COL8A1: variants seen among roughly 807,000 people sequenced by gnomAD.
The protein encoded by COL8A1 is collagen alpha-1(VIII) chain.
A neutral mutation model predicts 42.7 loss-of-function variants in COL8A1; 21 were observed. That is an observed-to-expected ratio of 0.49 (90% CI 0.35 to 0.71). The LOEUF is 0.71. Among genes scored for constraint, COL8A1 ranks in the 30% least tolerant of loss-of-function variants. The probability of loss-of-function intolerance (pLI) is 0.01; values close to 1 mark genes in which losing one functional copy is unlikely to be tolerated. For missense variants in COL8A1, 788 were observed against 962.4 expected (o/e 0.82, Z 2.40); for synonymous variants, 367 against 369.1 (o/e 0.99, Z 0.06).
chr3:99,724,793 A>G (rs747121924), intron 1 of COL8A1, among the ~76,000 whole-genome samples: 4 of 152,110 alleles, frequency 2.6e-5, no homozygotes, highest in Non-Finnish European at 5.9e-5. Context: ...AAGCACAGGA[A>G]ATGACATTTC....
chr3:99,680,682 G>T (rs1938847177), intron 1 of COL8A1, among the ~76,000 whole-genome samples: 1 of 152,084 alleles, frequency 6.6e-6, no homozygotes, highest in South Asian at 2.1e-4. Flanking sequence ...TTTAATGATT[G>T]CCATTCTAAC....
At chr3:99,683,836 C>T (rs1938964502) in intron 1 of COL8A1, among the ~76,000 whole-genome samples, 1 of 152,070 alleles carries the variant, frequency 6.6e-6, no homozygotes, top group Non-Finnish European at 1.5e-5. Flanking sequence ...TCTGTTTTTA[C>T]CTAAGTGCAT....
At chr3:99,698,006 C>A (rs1939430142) in intron 1 of COL8A1, among the ~76,000 whole-genome samples, 1 of 152,124 alleles carries the variant, frequency 6.6e-6, no homozygotes. Flanking sequence ...GTGATGTTCC[C>A]TGCCCTGTGT....
intron 1 of COL8A1, among the ~76,000 whole-genome samples, chr3:99,641,218 C>G (rs1181320571): frequency 6.6e-6 from 1 of 152,122 alleles, no homozygotes; most frequent in South Asian, 2.1e-4. Context: ...AGGAGAAAAG[C>G]AAGATTAGGA....
At chr3:99,717,030 G>A (rs566258098) in intron 1 of COL8A1, among the ~76,000 whole-genome samples, 2 of 152,086 alleles carry the variant, frequency 1.3e-5, no homozygotes, top group African/African-American at 4.8e-5. Flanking sequence ...ATTCTTCACT[G>A]AGCATGGAGA....
At chr3:99,665,491 C>T (rs1011279167) in intron 1 of COL8A1, among the ~76,000 whole-genome samples, 2 of 152,086 alleles carry the variant, frequency 1.3e-5, no homozygotes, top group African/African-American at 2.4e-5. Context: ...GACTTGATCA[C>T]CTTTCTGTTT....
At chr3:99,688,208 C>A in intron 1 of COL8A1, among the ~76,000 whole-genome samples, 1 of 152,190 alleles carries the variant, frequency 6.6e-6, no homozygotes, top group South Asian at 2.1e-4. Context: ...AACAAACCAC[C>A]ACAAATTTAG....
intron 1 of COL8A1, among the ~76,000 whole-genome samples, chr3:99,736,431 T>C (rs952778966): frequency 6.6e-6 from 1 of 152,190 alleles, no homozygotes; most frequent in Non-Finnish European, 1.5e-5. Flanking sequence ...GTGCACATTG[T>C]GCAGGTTAGT....
At chr3:99,748,266 G>T (rs1941072265) in intron 2 of COL8A1, among the ~76,000 whole-genome samples, 1 of 152,130 alleles carries the variant, frequency 6.6e-6, no homozygotes, top group Non-Finnish European at 1.5e-5. Flanking sequence ...AATGACTATA[G>T]CTGCACTGTT....
chr3:99,761,946 C>T (rs1305095587), intron 2 of COL8A1, among the ~76,000 whole-genome samples: 1 of 152,226 alleles, frequency 6.6e-6, no homozygotes, highest in Middle Eastern at 3.4e-3. Flanking sequence ...GCTATTCCAG[C>T]AATAAATTTT....
chr3:99,791,030 C>T lies in COL8A1; in HGVS notation c.328+20C>T, dbSNP rs1336434469. The T allele has an allele frequency of 6.3e-7, 1 of 1,583,310 alleles. No homozygotes were observed. Among genetic ancestry groups the T allele is most frequent in the South Asian group, 1.1e-5 (1 of 88,444 alleles). ...GCAAAGGTAACATCATACTCCCAGG[C>T]TGTTATAAAACAACAGCTTTCCAAA... On this transcript the variant is annotated intron_variant, in intron 3 of 3. Coordinates refer to ENST00000652472, the MANE Select transcript of COL8A1 (RefSeq NM_020351.4).
chr3:99,750,088 G>C (rs1045721909), intron 2 of COL8A1, among the ~76,000 whole-genome samples: 2 of 52,362 alleles, frequency 3.8e-5, no homozygotes, highest in African/African-American at 1.4e-4. Flanking sequence ...ACAGATTCTT[G>C]CTCTGTTGCC....
At chr3:99,697,018 G>T (rs1323092470) in intron 1 of COL8A1, among the ~76,000 whole-genome samples, 1 of 110,496 alleles carries the variant, frequency 9.1e-6, no homozygotes, top group African/African-American at 3.6e-5. Context: ...ACGGAGTCTC[G>T]CTCTGTCGCC....
rs1553723480 is a variant in COL8A1 at position 99,704,699 on chromosome 3, C to G, written c.-128-40198C>G. Among the ~76,000 whole-genome samples, 4 of 152,312 alleles carry G rather than the reference C, an allele frequency of 2.6e-5. No homozygotes were observed. The South Asian group carries it at 8.3e-4, about 32-fold the overall frequency. On this transcript the variant is annotated intron_variant, in intron 1 of 3. Coordinates refer to ENST00000652472, the MANE Select transcript of COL8A1 (RefSeq NM_020351.4). ...TTCTCCAAGCCCTGCAGACTCTGAA[C>G]AATCTGGGTTACTTTGCATTATTAC... is the stretch of plus-strand genomic sequence containing the variant.
chr3:99,795,738 T>C lies in COL8A1; in HGVS notation c.1837T>C (p.Tyr613His), dbSNP rs375501498. ...AKKGKNGGPA[Y>H]EMPAFTAELT... ...GAAAGGCAAGAATGGAGGGCCAGCC[T>C]ATGAGATGCCTGCATTTACCGCCGA... Residue 613 changes from tyrosine to histidine, a missense_variant, in exon 4 of 4, where the codon TAT (tyrosine) becomes CAT (histidine). By Grantham distance (83) the Tyr-to-His change is moderately conservative (BLOSUM62 2). Around this residue, in one of 4 missense-constraint regions of COL8A1, gnomAD observed 212 missense variants for 210.9 expected, o/e 1.00. Coordinates refer to ENST00000652472, the MANE Select transcript of COL8A1 (RefSeq NM_020351.4). 5.7e-5 allele frequency: 92 copies of C among 1,613,972 alleles called. No homozygotes were observed. The highest frequency in any genetic ancestry group is 3.7e-4 in the Admixed American group (22 of 60,012).
At chr3:99,696,485 T>A (rs1352076008) in intron 1 of COL8A1, among the ~76,000 whole-genome samples, 1 of 152,124 alleles carries the variant, frequency 6.6e-6, no homozygotes, top group Non-Finnish European at 1.5e-5. Context: ...CAACAGCGGC[T>A]AAGGCAGAAA....
chr3:99,697,889 C>T (rs1939425981), intron 1 of COL8A1, among the ~76,000 whole-genome samples: 1 of 152,114 alleles, frequency 6.6e-6, no homozygotes, highest in East Asian at 1.9e-4. Flanking sequence ...CATAGGTATA[C>T]ATGTGCCATG....
In COL8A1 at chr3:99,683,221, C is replaced by G. The variant is rs1610254; in HGVS notation, c.-129+44557C>G. Among the ~76,000 whole-genome samples, 182 of 152,278 alleles carry G rather than the reference C, an allele frequency of 1.2e-3. 1 individual carries two copies. The highest frequency in any genetic ancestry group is 4.0e-3 in the African/African-American group (166 of 41,566). Reference sequence around the variant, plus strand: ...ACATGCCTTTCTCCCCCATAAGACTCTATATTCTACAAGTCAAAGTCTGTC... The same window carrying G: ...ACATGCCTTTCTCCCCCATAAGACTGTATATTCTACAAGTCAAAGTCTGTC... On this transcript the variant is annotated intron_variant, in intron 1 of 3. Coordinates refer to ENST00000652472, the MANE Select transcript of COL8A1 (RefSeq NM_020351.4).
At chr3:99,762,161 C>A (rs1941377288) in intron 2 of COL8A1, among the ~76,000 whole-genome samples, 1 of 152,142 alleles carries the variant, frequency 6.6e-6, no homozygotes, top group Admixed American at 6.6e-5. Context: ...AATAGATAGT[C>A]ATCGCTGGTA....
Sources: gnomAD v4.1 joint callset for allele counts (sites outside exome capture counted in the v4.1 genomes callset) on GRCh38, gnomAD v4.1.1 for gene constraint, gnomAD v4.1.1 regional missense constraint, MANE v1.5 for transcripts, NCBI Gene and HGNC (gene_info 2026-07-23, HGNC 2026-07-21) for gene names.